CDH2: variants seen among roughly 807,000 people sequenced by gnomAD.
CDH2 encodes cadherin-2.
Under a neutral mutation model 92.0 loss-of-function variants are expected in CDH2, and 17 were observed. The ratio of observed to expected loss-of-function variants is 0.18; its 90% confidence interval spans 0.13 to 0.28. CDH2 has a LOEUF of 0.28. Among genes scored for constraint, CDH2 ranks in the 10% least tolerant of loss-of-function variants. CDH2 has a pLI of 1.00. For synonymous variants in CDH2, 419 were observed against 415.9 expected (o/e 1.01, Z -0.09); for missense variants, 862 against 1,133.1 (o/e 0.76, Z 3.44).
At chr18:28,049,108 G>A (rs1198477943) in intron 2 of CDH2, among the ~76,000 whole-genome samples, 1 of 152,060 alleles carries the variant, frequency 6.6e-6, no homozygotes, top group Non-Finnish European at 1.5e-5. Context: ...TTCTGGCGGT[G>A]TCACGACATC....
At chr18:28,008,293 T>C (rs2012997977) in intron 5 of CDH2, among the ~76,000 whole-genome samples, 1 of 152,216 alleles carries the variant, frequency 6.6e-6, no homozygotes, top group African/African-American at 2.4e-5. Context: ...GTGAGACGTT[T>C]GGAAGTTTTA....
chr18:27,985,498 C>T, intron 12 of CDH2, 30 bp downstream of exon 12: 2 of 1,423,034 alleles, frequency 1.4e-6, no homozygotes, highest in Non-Finnish European at 9.9e-7. Flanking sequence ...CTCAACTGCA[C>T]ATATATTCAA....
At chr18:27,941,658 G>T (rs932940022) in intron 6 of CDH2, among the ~76,000 whole-genome samples, 9 of 152,168 alleles carry the variant, frequency 5.9e-5, no homozygotes, top group African/African-American at 1.9e-4. Flanking sequence ...GGTTTAAGAG[G>T]AATGATACTA....
chr18:28,083,742 A>G (rs1027189805), intron 2 of CDH2, among the ~76,000 whole-genome samples: 5 of 152,198 alleles, frequency 3.3e-5, no homozygotes, highest in African/African-American at 9.6e-5. Context: ...ATATAAATAT[A>G]CACCCTATAG....
intron 2 of CDH2, among the ~76,000 whole-genome samples, chr18:28,038,443 G>A (rs1009869502): frequency 7.2e-6 from 1 of 138,456 alleles, no homozygotes; most frequent in East Asian, 2.2e-4. Context: ...GTGTGTGTGT[G>A]TGTGTGTGTG....
At chr18:28,141,549 A>G (rs539605742) in intron 2 of CDH2, among the ~76,000 whole-genome samples, 1 of 152,016 alleles carries the variant, frequency 6.6e-6, no homozygotes, top group South Asian at 2.1e-4. Context: ...TTTAAAGTTC[A>G]GAATCTAATC....
At chr18:27,973,545 C>T (rs370363389) in intron 14 of CDH2, among the ~76,000 whole-genome samples, 19 of 152,144 alleles carry the variant, frequency 1.2e-4, no homozygotes, top group African/African-American at 4.6e-4. Context: ...TCCTCTGTGC[C>T]AAGGGACCTA....
intron 2 of CDH2, among the ~76,000 whole-genome samples, chr18:28,131,426 C>A (rs947738041): frequency 2.0e-5 from 3 of 152,142 alleles, no homozygotes; most frequent in African/African-American, 7.2e-5. Context: ...TTAATTGACA[C>A]CACCTTCCCT....
intron 2 of CDH2, among the ~76,000 whole-genome samples, chr18:28,018,563 A>C (rs2013318642): frequency 6.6e-6 from 1 of 151,942 alleles, no homozygotes; most frequent in Admixed American, 6.6e-5. Flanking sequence ...TGGAACAGAA[A>C]TGTATGAAAA....
chr18:28,037,840 G>A (rs2013866658), intron 2 of CDH2, among the ~76,000 whole-genome samples: 1 of 152,086 alleles, frequency 6.6e-6, no homozygotes, highest in African/African-American at 2.4e-5. Flanking sequence ...GCTCTCAAGA[G>A]GTTATTGTTT....
At chr18:28,137,802 A>G (rs1415530479) in intron 2 of CDH2, among the ~76,000 whole-genome samples, 3 of 152,108 alleles carry the variant, frequency 2.0e-5, no homozygotes, top group Non-Finnish European at 4.4e-5. Context: ...AAAGAATAAG[A>G]TGCTTTTTTC....
chr18:28,140,880 C>T (rs1001310548), intron 2 of CDH2, among the ~76,000 whole-genome samples: 2 of 137,468 alleles, frequency 1.5e-5, no homozygotes, highest in Non-Finnish European at 3.1e-5. Context: ...TTTGAATAGA[C>T]ATTTCTCCAA....
At chr18:28,009,946 C>T in intron 4 of CDH2, 74 bp from the exon 5 acceptor site, 1 of 1,166,086 alleles carries the variant, frequency 8.6e-7, no homozygotes, top group Non-Finnish European at 1.2e-6. Context: ...GCACATCACA[C>T]TTCATGCCCT....
At position 27,988,535 on chromosome 18, in the gene CDH2, G is replaced by A; in HGVS notation, c.1730C>T (p.Ala577Val). 1 of 1,612,662 alleles carries A rather than the reference G, an allele frequency of 6.2e-7. No individual in the cohort carries two copies. The highest frequency in any genetic ancestry group is 8.5e-7 in the Non-Finnish European group (1 of 1,179,046). The change falls in exon 11 of 16, where the codon GCT (alanine) becomes GTT (valine). Residue 577 changes from alanine to valine, a missense_variant. Around this residue, in one of 5 missense-constraint regions of CDH2, gnomAD observed 564 missense variants for 722.2 expected, o/e 0.78. Coordinates refer to ENST00000269141, the MANE Select transcript of CDH2 (RefSeq NM_001792.5). ...KNNIYNATFLASDNGIPPMSG... is the reference protein window; with the variant it reads ...KNNIYNATFLVSDNGIPPMSG... Reference sequence around the variant, plus strand: ...AACAGCGAACATACCATTGTCAGAAGCAAGGAAAGTAGCATTATATATATT... The same window carrying A: ...AACAGCGAACATACCATTGTCAGAAACAAGGAAAGTAGCATTATATATATT...
chr18:28,147,831 TC>T (rs772451503), intron 1 of CDH2, 47 bp from the exon 2 acceptor site: 24 of 1,036,274 alleles, frequency 2.3e-5, no homozygotes, highest in Non-Finnish European at 2.6e-5. Flanking sequence ...GATTGCTACC[TC>T]CTTCAACTGA....
At chr18:27,982,728 A>G (rs546079323) in intron 14 of CDH2, among the ~76,000 whole-genome samples, 52 of 151,980 alleles carry the variant, frequency 3.4e-4, no homozygotes, top group African/African-American at 1.3e-3. Context: ...CTTTGAAACA[A>G]GGTGTTTTTT....
intron 2 of CDH2, among the ~76,000 whole-genome samples, chr18:28,120,636 C>G (rs2015572087): frequency 6.6e-6 from 1 of 151,914 alleles, no homozygotes; most frequent in South Asian, 2.1e-4. Context: ...GACAGATGAA[C>G]AGTACTATAA....
intron 2 of CDH2, among the ~76,000 whole-genome samples, chr18:28,125,177 G>C (rs2144279961): frequency 6.6e-6 from 1 of 152,244 alleles, no homozygotes; most frequent in East Asian, 1.9e-4. Flanking sequence ...TCAACTTCTG[G>C]TGGGAATACA....
intron 2 of CDH2, among the ~76,000 whole-genome samples, chr18:28,120,343 T>C (rs1462803125): frequency 1.3e-5 from 2 of 152,040 alleles, no homozygotes; most frequent in Non-Finnish European, 2.9e-5. Flanking sequence ...AGGTCCAAGA[T>C]ACTTCCTCAA....
Sources: gnomAD v4.1 joint callset for allele counts (sites outside exome capture counted in the v4.1 genomes callset) on GRCh38, gnomAD v4.1.1 for gene constraint, gnomAD v4.1.1 regional missense constraint, MANE v1.5 for transcripts, NCBI Gene and HGNC (gene_info 2026-07-23, HGNC 2026-07-21) for gene names.